SCFD2: variants seen among roughly 807,000 people sequenced by gnomAD.
The protein encoded by SCFD2 is sec1 family domain-containing protein 2.
A neutral mutation model predicts 58.9 loss-of-function variants in SCFD2; 54 were observed. That is an observed-to-expected ratio of 0.92 (90% confidence interval 0.74 to 1.15). The LOEUF (loss-of-function observed/expected upper bound fraction) is 1.15. Among genes scored for constraint, SCFD2 ranks in the 50% most tolerant of loss-of-function variants. The pLI is 0.00. For synonymous variants in SCFD2, 321 were observed against 335.9 expected, an observed-to-expected ratio of 0.96 and a Z score of 0.49; for missense variants, 805 against 836.6, an observed-to-expected ratio of 0.96 and a Z score of 0.47.
intron 5 of SCFD2, among the ~76,000 whole-genome samples, chr4:53,099,711 C>A (rs1480867408): frequency 2.0e-5 from 3 of 152,168 alleles, no homozygotes; most frequent in Non-Finnish European, 4.4e-5. Flanking sequence ...TACTTACTCC[C>A]CCTACCCACT....
intron 5 of SCFD2, among the ~76,000 whole-genome samples, chr4:52,943,471 G>A (rs527388505): frequency 1.6e-4 from 25 of 152,226 alleles, no homozygotes; most frequent in South Asian, 2.1e-4. Context: ...GCGGAACCAG[G>A]TGTAGCTTCT....
chr4:53,335,563 T>G (rs1733658289), intron 2 of SCFD2, among the ~76,000 whole-genome samples: 1 of 152,210 alleles, frequency 6.6e-6, no homozygotes, highest in Admixed American at 6.5e-5. Flanking sequence ...TTATTATGAC[T>G]ATGTTGGAAA....
At chr4:53,354,618 T>G (rs1734347926) in intron 1 of SCFD2, among the ~76,000 whole-genome samples, 1 of 152,068 alleles carries the variant, frequency 6.6e-6, no homozygotes, top group Non-Finnish European at 1.5e-5. Flanking sequence ...CTGCTAACAC[T>G]TTGTCACCTC....
At chr4:53,207,823 T>G (rs1368901813) in intron 4 of SCFD2, among the ~76,000 whole-genome samples, 1 of 150,930 alleles carries the variant, frequency 6.6e-6, no homozygotes, top group Non-Finnish European at 1.5e-5. Flanking sequence ...CCCTCTGCCT[T>G]CCACCATGAT....
At chr4:52,971,951 T>G (rs981814218) in intron 5 of SCFD2, among the ~76,000 whole-genome samples, 1 of 151,982 alleles carries the variant, frequency 6.6e-6, no homozygotes, top group Admixed American at 6.6e-5. Flanking sequence ...AAATCCTTTA[T>G]AGACAAGCAA....
chr4:53,020,384 A>G (rs1446009151), intron 5 of SCFD2, among the ~76,000 whole-genome samples: 1 of 152,194 alleles, frequency 6.6e-6, no homozygotes, highest in Admixed American at 6.5e-5. Flanking sequence ...ACAGACAACT[A>G]TCCAGAACCT....
intron 7 of SCFD2, among the ~76,000 whole-genome samples, chr4:52,900,892 G>C (rs1719177960): frequency 6.6e-6 from 1 of 152,182 alleles, no homozygotes; most frequent in Non-Finnish European, 1.5e-5. Flanking sequence ...ATCTCAGTCT[G>C]CTGTGCTAGC....
intron 4 of SCFD2, among the ~76,000 whole-genome samples, chr4:53,213,594 T>C (rs1232038421): frequency 6.6e-6 from 1 of 152,134 alleles, no homozygotes; most frequent in Admixed American, 6.5e-5. Flanking sequence ...AAAGTATTAG[T>C]GGAATTCTGC....
chr4:52,879,094 C>T (rs954585441), intron 8 of SCFD2, among the ~76,000 whole-genome samples: 2 of 152,108 alleles, frequency 1.3e-5, no homozygotes, highest in Non-Finnish European at 2.9e-5. Context: ...TTTACTCCGA[C>T]CCATCAACTC....
At chr4:53,106,053 A>G (rs1724992859) in intron 5 of SCFD2, among the ~76,000 whole-genome samples, 1 of 152,172 alleles carries the variant, frequency 6.6e-6, no homozygotes, top group Non-Finnish European at 1.5e-5. Context: ...CCAGTCAAAC[A>G]GGGTCTGGAG....
intron 5 of SCFD2, among the ~76,000 whole-genome samples, chr4:53,042,787 C>T (rs1046510000): frequency 6.6e-6 from 1 of 152,008 alleles, no homozygotes; most frequent in African/African-American, 2.4e-5. Flanking sequence ...AAAACGGAGC[C>T]TCAGAATCCC....
At position 53,044,162 on chromosome 4, in the gene SCFD2, T is replaced by C. The variant is rs1457953599; in HGVS notation, c.1561+101171A>G. ...GCACTAGGACCTGGCCATTTCCTCCTAATGAAGTCTTCTCTAATAGTCAAT... is the reference window on the plus strand; with the variant it reads ...GCACTAGGACCTGGCCATTTCCTCCCAATGAAGTCTTCTCTAATAGTCAAT... On this transcript the variant is annotated intron_variant, in intron 5 of 8. Transcript: ENST00000401642. Among the ~76,000 whole-genome samples the C allele has an allele frequency of 3.3e-5, 5 of 152,146 alleles. No individual in the cohort carries two copies. The East Asian group carries it at 9.7e-4, about 29-fold the overall frequency.
At chr4:52,899,096 T>C (rs1273978742) in intron 7 of SCFD2, among the ~76,000 whole-genome samples, 2 of 152,270 alleles carry the variant, frequency 1.3e-5, no homozygotes, top group African/African-American at 4.8e-5. Context: ...GTCTTGACTC[T>C]TTATCCGATT....
chr4:53,156,477 C>T (rs1726690188), intron 4 of SCFD2, among the ~76,000 whole-genome samples: 1 of 151,350 alleles, frequency 6.6e-6, no homozygotes. Context: ...GCGGGCAGAT[C>T]ATGAGGTCAG....
intron 4 of SCFD2, among the ~76,000 whole-genome samples, chr4:53,203,800 G>A (rs1050917328): frequency 3.3e-5 from 5 of 152,042 alleles, no homozygotes; most frequent in Admixed American, 2.0e-4. Context: ...TAACACATGG[G>A]ATAAAATTCT....
chr4:53,004,709 C>T (rs926479999), intron 5 of SCFD2, among the ~76,000 whole-genome samples: 7 of 152,110 alleles, frequency 4.6e-5, no homozygotes, highest in East Asian at 3.9e-4. Flanking sequence ...CTTGCAAATA[C>T]GGTCGGAGGC....
chr4:52,992,372 C>T (rs998868501), intron 5 of SCFD2, among the ~76,000 whole-genome samples: 1 of 152,142 alleles, frequency 6.6e-6, no homozygotes, highest in African/African-American at 2.4e-5. Context: ...GATCTCGGCT[C>T]GCTACAACCT....
chr4:52,915,855 G>A (rs1374006303), intron 6 of SCFD2, among the ~76,000 whole-genome samples: 2 of 152,182 alleles, frequency 1.3e-5, no homozygotes, highest in Non-Finnish European at 1.5e-5. Flanking sequence ...ATAGAACTTA[G>A]CACTTGGAAA....
chr4:53,223,667 C>T (rs1729115197), intron 4 of SCFD2, among the ~76,000 whole-genome samples: 1 of 152,198 alleles, frequency 6.6e-6, no homozygotes, highest in African/African-American at 2.4e-5. Flanking sequence ...TGCCTAGATG[C>T]AATTATGACT....
Sources: allele counts gnomAD v4.1 joint callset (sites outside exome capture counted in the v4.1 genomes callset), GRCh38; gene constraint gnomAD v4.1.1; transcripts MANE v1.5; gene names NCBI Gene and HGNC (gene_info 2026-07-23, HGNC 2026-07-21).